The following SRGAP1 variants were observed in gnomAD, a reference collection of about 807,000 sequenced individuals.
SRGAP1 encodes the protein SLIT-ROBO Rho GTPase activating protein 1, also known as SLIT-ROBO Rho GTPase-activating protein 1.
SRGAP1 carries 43 observed loss-of-function variants against 121.9 expected under a neutral mutation model. The ratio of observed to expected loss-of-function variants is 0.35; its 90% CI spans 0.28 to 0.46. SRGAP1 has a LOEUF of 0.46. Ranked by LOEUF, SRGAP1 falls within the 20% of genes least tolerant of loss-of-function variation. The probability of loss-of-function intolerance (pLI) is 1.00; values close to 1 mark genes in which losing one functional copy is unlikely to be tolerated. For synonymous variants in SRGAP1, 447 were observed against 485.4 expected, an observed-to-expected ratio of 0.92 and a Z score of 1.04; for missense variants, 1,102 against 1,350.9, an observed-to-expected ratio of 0.82 and a Z score of 2.89.
intron 4 of SRGAP1, among the ~76,000 whole-genome samples, chr12:64,035,206 AAT>A (rs757166466): frequency 1.1e-4 from 16 of 152,098 alleles, no homozygotes; most frequent in Non-Finnish European, 2.2e-4. Context: ...ATATAAATGA[AAT>A]ATATTATCCA....
At chr12:63,869,133 A>G (rs1352971432) in intron 1 of SRGAP1, among the ~76,000 whole-genome samples, 1 of 152,220 alleles carries the variant, frequency 6.6e-6, no homozygotes, top group South Asian at 2.1e-4. Flanking sequence ...AGAGTACCAC[A>G]GACTAGGTAA....
intron 3 of SRGAP1, among the ~76,000 whole-genome samples, chr12:64,016,722 T>A (rs1467016927): frequency 1.3e-5 from 2 of 152,190 alleles, no homozygotes; most frequent in African/African-American, 2.4e-5. Flanking sequence ...TCTGTTTGGA[T>A]GGCGGGGGAG....
chr12:64,120,978 A>G (rs920071906), intron 18 of SRGAP1, among the ~76,000 whole-genome samples: 1 of 147,384 alleles, frequency 6.8e-6, no homozygotes, highest in African/African-American at 2.5e-5. Flanking sequence ...AGTGTCCACT[A>G]TCTGCTAAAA....
chr12:64,089,929 G>A (rs1479491294), intron 11 of SRGAP1, among the ~76,000 whole-genome samples: 1 of 152,146 alleles, frequency 6.6e-6, no homozygotes. Context: ...TTGGGATCTG[G>A]TATATGAACC....
chr12:64,064,936 T>C (rs1439526671), intron 7 of SRGAP1, among the ~76,000 whole-genome samples, 182 bp from the exon 8 acceptor site: 1 of 152,220 alleles, frequency 6.6e-6, no homozygotes, highest in Non-Finnish European at 1.5e-5. Flanking sequence ...CATTCTGCTA[T>C]TGCAGCTTAT....
At chr12:64,086,884 G>T in intron 10 of SRGAP1, 115 bp from the exon 11 acceptor site, 1 of 720,368 alleles carries the variant, frequency 1.4e-6, no homozygotes, top group Non-Finnish European at 2.4e-6. Flanking sequence ...CCATAAAAAC[G>T]TGTAAGTTAT....
At chr12:63,868,057 T>TATATATATATATATA (rs56697634) in intron 1 of SRGAP1, among the ~76,000 whole-genome samples, 10 of 55,950 alleles carry the variant, frequency 1.8e-4, no homozygotes, top group Non-Finnish European at 2.2e-4. Context: ...TATATATATA[T>TATATATATATATATA]TTTTTTTTTT....
intron 1 of SRGAP1, among the ~76,000 whole-genome samples, chr12:63,907,771 G>C (rs1428820865): frequency 6.6e-6 from 1 of 151,942 alleles, no homozygotes; most frequent in East Asian, 1.9e-4. Flanking sequence ...TGTGGTTTTG[G>C]TGTTATTTCT....
At chr12:63,868,079 GTTTTTTTT>G (rs1565927744) in intron 1 of SRGAP1, among the ~76,000 whole-genome samples, 60 of 63,466 alleles carry the variant, frequency 9.5e-4, no homozygotes, top group Middle Eastern at 0.012. Flanking sequence ...TTTTTTTTTT[GTTTTTTTT>G]TTTTTGTTTT....
At chr12:64,062,469 A>T (rs789714) in intron 6 of SRGAP1, among the ~76,000 whole-genome samples, 149,782 of 152,276 alleles carry the variant, frequency 0.98, 73,720 homozygotes, top group Middle Eastern at 1. Flanking sequence ...TTGCAAAAAT[A>T]TCTTCCCATT....
At chr12:64,137,961 A>AAAAT (rs372355390) in intron 21 of SRGAP1, among the ~76,000 whole-genome samples, 2,795 of 139,572 alleles carry the variant, frequency 0.02, 42 homozygotes, top group East Asian at 0.051. Context: ...TTAAAAAAAA[A>AAAAT]ATATATATAT....
rs2032900158 is a variant in SRGAP1 at position 63,970,070 on chromosome 12, A to C, written c.68-13877A>C. On this transcript the variant is annotated intron_variant, in intron 1 of 21. Transcript: ENST00000355086. ...CTGTTCCCACCTTCCCCCTTTCCCC[A>C]GACCATCAGTCCAGGGTCTTCTGTT... 2.0e-5 allele frequency among the ~76,000 whole-genome samples: 3 copies of C among 152,042 alleles called. No individual in the cohort carries two copies. In the South Asian group the frequency reaches 6.2e-4, roughly 32 times the overall value.
intron 3 of SRGAP1, among the ~76,000 whole-genome samples, chr12:64,004,746 G>A (rs995384313): frequency 6.6e-6 from 1 of 152,186 alleles, no homozygotes; most frequent in Non-Finnish European, 1.5e-5. Context: ...AGAAGATGCT[G>A]CTTTAAGAAA....
chr12:64,138,695 A>T (rs947181360), intron 21 of SRGAP1, among the ~76,000 whole-genome samples: 9 of 151,826 alleles, frequency 5.9e-5, no homozygotes, highest in African/African-American at 1.9e-4. Context: ...AATAAAAATA[A>T]AGGGAAATTG....
At chr12:64,103,920 T>G (rs565447184) in intron 15 of SRGAP1, among the ~76,000 whole-genome samples, 1 of 152,338 alleles carries the variant, frequency 6.6e-6, no homozygotes, top group East Asian at 1.9e-4. Flanking sequence ...AAAAATGTCC[T>G]GAAACTGATA....
In SRGAP1 at chr12:64,090,062, A is replaced by G. The variant is rs73130168; in HGVS notation, c.1437-1214A>G. 8.5e-3 allele frequency among the ~76,000 whole-genome samples: 1,288 copies of G among 152,330 alleles called. 10 individuals carry two copies. Among genetic ancestry groups the G allele is most frequent in the South Asian group, 0.018 (87 of 4,822 alleles). The stretch of plus-strand genomic sequence containing the variant: ...GTATCCTCCTATAAGTCTTGCAGTT[A>G]AAAAGGAGTTTTACATTAAAACATC... On this transcript the variant is annotated intron_variant, in intron 11 of 21. Transcript: ENST00000355086.
chr12:64,110,165 G>A (rs1286255940), intron 16 of SRGAP1, among the ~76,000 whole-genome samples: 1 of 152,120 alleles, frequency 6.6e-6, no homozygotes, highest in African/African-American at 2.4e-5. Context: ...AGGCTTGCCT[G>A]TTGCCCCACC....
chr12:63,965,745 T>G (rs1023775461), intron 1 of SRGAP1, among the ~76,000 whole-genome samples: 2 of 152,266 alleles, frequency 1.3e-5, no homozygotes, highest in African/African-American at 2.4e-5. Context: ...GTGATTTCCC[T>G]CCTTTCTACT....
At chr12:63,858,903 A>G (rs1261135682) in intron 1 of SRGAP1, among the ~76,000 whole-genome samples, 1 of 151,830 alleles carries the variant, frequency 6.6e-6, no homozygotes, top group African/African-American at 2.4e-5. Flanking sequence ...GGGTTTTGCC[A>G]TGTTGGCCTG....
Sources: allele counts gnomAD v4.1 joint callset (sites outside exome capture counted in the v4.1 genomes callset), GRCh38; gene constraint gnomAD v4.1.1; transcripts MANE v1.5; gene names NCBI Gene and HGNC (gene_info 2026-07-23, HGNC 2026-07-21).